The following CDKL3 variants were observed in gnomAD, a reference collection of about 807,000 sequenced individuals.
The protein encoded by CDKL3 is cyclin-dependent kinase-like 3.
Under a neutral mutation model 69.3 loss-of-function variants are expected in CDKL3, and 65 were observed. The ratio of observed to expected loss-of-function variants is 0.94; its 90% CI spans 0.77 to 1.15. The LOEUF is 1.15. Among genes scored for constraint, CDKL3 ranks in the 50% most tolerant of loss-of-function variants. The pLI is 0.00. For missense variants in CDKL3, 652 were observed against 689.2 expected, an observed-to-expected ratio of 0.95 and a Z score of 0.61; for synonymous variants, 202 against 221.6, an observed-to-expected ratio of 0.91 and a Z score of 0.79.
chr5:134,306,750 C>CTTTTTTTT (rs11414446), intron 9 of CDKL3, 48 bp from the exon 10 acceptor site: 51 of 227,666 alleles, frequency 2.2e-4, no homozygotes, highest in South Asian at 3.4e-4. Flanking sequence ...CCCAGAAATG[C>CTTTTTTTT]TTTTTTTTTT....
At chr5:134,338,227 C>A (rs1777568903) in intron 4 of CDKL3, among the ~76,000 whole-genome samples, 1 of 151,804 alleles carries the variant, frequency 6.6e-6, no homozygotes, top group East Asian at 1.9e-4. Flanking sequence ...ATATGTACAA[C>A]AAATATACCA....
At chr5:134,309,695 C>G (rs1003179187) in intron 7 of CDKL3, among the ~76,000 whole-genome samples, 1 of 152,164 alleles carries the variant, frequency 6.6e-6, no homozygotes, top group Admixed American at 6.5e-5. Context: ...CCTAGTCCAG[C>G]CCACTCTTCT....
At chr5:134,317,719 G>A (rs1465100690) in intron 6 of CDKL3, among the ~76,000 whole-genome samples, 1 of 152,040 alleles carries the variant, frequency 6.6e-6, no homozygotes, top group Non-Finnish European at 1.5e-5. Flanking sequence ...TTGTGCCCAG[G>A]AGTTTGAGAC....
chr5:134,320,330 T>C (rs1170852209), intron 5 of CDKL3, among the ~76,000 whole-genome samples: 1 of 152,014 alleles, frequency 6.6e-6, no homozygotes, highest in African/African-American at 2.4e-5. Context: ...AAAAAACAAA[T>C]CTTGGCCAGC....
intron 8 of CDKL3, among the ~76,000 whole-genome samples, chr5:134,289,053 T>C (rs946811126): frequency 6.6e-6 from 1 of 151,134 alleles, no homozygotes; most frequent in Non-Finnish European, 1.5e-5. Flanking sequence ...TCCCAACTAT[T>C]CAGGAGGCTG....
At chr5:134,368,073 C>A (rs1218592537), upstream of CDKL3, among the ~76,000 whole-genome samples, 1 of 152,228 alleles carries the variant, frequency 6.6e-6, no homozygotes, top group Non-Finnish European at 1.5e-5. Flanking sequence ...TTTAATAAAT[C>A]TAGTCTGGTG....
In CDKL3 at chr5:134,306,750, CTTTTTTTTTTTTTTTT is replaced by C. The variant is rs11414446; in HGVS notation, c.1365-64_1365-49del. 2.6e-5 allele frequency: 6 copies of C among 227,676 alleles called. 1 individual carries two copies. In the East Asian group the frequency reaches 1.6e-3, roughly 60 times the overall value. 14.1% of individuals were successfully genotyped at this position (227,676 alleles called of 1,614,324 possible). A position where few individuals can be genotyped will look rare whatever the true frequency, so the allele number is the denominator to read the frequency against. ...AAGTTACTAAAACTCCCCAGAAATG[CTTTTTTTTTTTTTTTT>C]TTTTTTTTGGCAGATTCTCACTCTG... is the stretch of plus-strand genomic sequence containing the variant. On this transcript the variant is annotated intron_variant, in intron 9 of 12. Coordinates refer to ENST00000265334, the MANE Select transcript of CDKL3 (RefSeq NM_001113575.2).
intron 4 of CDKL3, among the ~76,000 whole-genome samples, chr5:134,331,290 TTTC>T (rs1775733732): frequency 6.6e-6 from 1 of 152,184 alleles, no homozygotes; most frequent in Admixed American, 6.6e-5. Flanking sequence ...CCTTTCCTCC[TTTC>T]TTTTTTTAAT....
intron 4 of CDKL3, among the ~76,000 whole-genome samples, chr5:134,335,671 G>C (rs1363837402): frequency 6.6e-6 from 1 of 152,126 alleles, no homozygotes; most frequent in Non-Finnish European, 1.5e-5. Flanking sequence ...CTGGCTTGCA[G>C]GGTTTCTGCC....
intron 10 of CDKL3, 82 bp from the exon 11 acceptor site, chr5:134,304,649 G>T (rs1767253154): frequency 3.9e-6 from 4 of 1,017,294 alleles, no homozygotes; most frequent in Non-Finnish European, 5.6e-6. Flanking sequence ...TAGCCATTTG[G>T]ATGGTATAAG....
intron 4 of CDKL3, among the ~76,000 whole-genome samples, chr5:134,346,599 C>T (rs1410639202): frequency 2.0e-5 from 3 of 152,128 alleles, no homozygotes; most frequent in African/African-American, 4.8e-5. Context: ...CGGGTTCAAG[C>T]GTTTTTCCTG....
chr5:134,366,215 T>C (rs1221643848), intron 2 of CDKL3, 144 bp downstream of exon 2: 65 of 600,050 alleles, frequency 1.1e-4, no homozygotes, highest in Non-Finnish European at 1.1e-5. Flanking sequence ...CACTATAAAA[T>C]TACAAAATGT....
downstream of CDKL3, among the ~76,000 whole-genome samples, chr5:134,296,782 TACAC>T (rs36097045): frequency 8.1e-3 from 1,146 of 141,536 alleles, 12 homozygotes; most frequent in African/African-American, 0.02. Flanking sequence ...ACCCTGTCTC[TACAC>T]ACACACACAC....
At chr5:134,296,747 A>C (rs1307700502), downstream of CDKL3, among the ~76,000 whole-genome samples, 2 of 151,572 alleles carry the variant, frequency 1.3e-5, no homozygotes, top group African/African-American at 4.9e-5. Flanking sequence ...CAGGAGTTCA[A>C]GACCAGCCTG....
At chr5:134,302,928 C>A (rs1168185281) in intron 11 of CDKL3, among the ~76,000 whole-genome samples, 1 of 151,502 alleles carries the variant, frequency 6.6e-6, no homozygotes, top group Admixed American at 6.6e-5. Flanking sequence ...TTTTATTATT[C>A]TCAGTGTAAC....
At chr5:134,364,516 T>C (rs1009185345) in intron 2 of CDKL3, among the ~76,000 whole-genome samples, 1 of 152,132 alleles carries the variant, frequency 6.6e-6, no homozygotes, top group African/African-American at 2.4e-5. Flanking sequence ...CACTCTTTCA[T>C]GTCTTTTTTT....
upstream of CDKL3, chr5:134,367,284 A>T (rs1435472686): frequency 1.0e-6 from 1 of 981,972 alleles, no homozygotes; most frequent in Non-Finnish European, 1.2e-6. Flanking sequence ...TGTGCTTGGG[A>T]ATGGGGGAGG....
chr5:134,363,003 T>C (rs1756429711), intron 2 of CDKL3, among the ~76,000 whole-genome samples: 1 of 152,162 alleles, frequency 6.6e-6, no homozygotes, highest in Admixed American at 6.6e-5. Flanking sequence ...TGCATAACAG[T>C]TGTTACAGTA....
In CDKL3 at chr5:134,350,279, T is replaced by A. The variant is rs1205363139; in HGVS notation, c.509A>T (p.Glu170Val). 6 of 1,586,660 alleles carry A rather than the reference T, an allele frequency of 3.8e-6. No homozygotes were observed. The highest frequency in any genetic ancestry group is 5.1e-6 in the Non-Finnish European group (6 of 1,166,742). Reference protein sequence around the residue: ...YVATRWYRAPELVLKDTSYGK... With the variant: ...YVATRWYRAPVLVLKDTSYGK... ...ATAAGAAGTATCTTTTAATACTAAT[T>A]CGGGAGCTCTATACCAGCGTGTGGC... The change falls in exon 4 of 13, where the codon GAA becomes GTA. Residue 170 changes from glutamate (E) to valine (V), a missense_variant. Glu to Val is a moderately radical substitution (Grantham distance 121). Transcript: ENST00000265334.
Sources: allele counts gnomAD v4.1 joint callset (sites outside exome capture counted in the v4.1 genomes callset), GRCh38; gene constraint gnomAD v4.1.1; transcripts MANE v1.5; gene names NCBI Gene and HGNC (gene_info 2026-07-23, HGNC 2026-07-21).